The following NKAIN3 variants were observed in gnomAD, a reference collection of about 807,000 sequenced individuals.
NKAIN3 encodes sodium/potassium-transporting ATPase subunit beta-1-interacting protein 3.
NKAIN3 carries 25 observed loss-of-function variants against 30.2 expected under a neutral mutation model. The ratio of observed to expected loss-of-function variants is 0.83; its 90% confidence interval spans 0.60 to 1.16. The LOEUF is 1.16. Among genes scored for constraint, NKAIN3 ranks in the 50% most tolerant of loss-of-function variants. The pLI, the probability that NKAIN3 is intolerant of heterozygous loss-of-function variation, is 0.00. For synonymous variants in NKAIN3, 91 were observed against 89.6 expected, an observed-to-expected ratio of 1.02 and a Z score of -0.09; for missense variants, 225 against 254.1, an observed-to-expected ratio of 0.89 and a Z score of 0.78.
chr8:62,420,926 A>G (rs138036903), intron 1 of NKAIN3, among the ~76,000 whole-genome samples: 2 of 152,320 alleles, frequency 1.3e-5, no homozygotes, highest in South Asian at 2.1e-4. Context: ...TTAAACAGCT[A>G]TACTACACAG....
chr8:62,571,138 TA>T (rs1187738352), intron 1 of NKAIN3, among the ~76,000 whole-genome samples: 11 of 91,152 alleles, frequency 1.2e-4, no homozygotes, highest in Non-Finnish European at 2.0e-4. Flanking sequence ...GAAATAGGCT[TA>T]TTTTTTTTTT....
intron 3 of NKAIN3, among the ~76,000 whole-genome samples, chr8:62,604,645 C>T (rs1234293996): frequency 2.0e-5 from 3 of 152,076 alleles, no homozygotes; most frequent in African/African-American, 7.2e-5. Flanking sequence ...ATATTAGTAA[C>T]TCGTAATTTT....
Position 62,307,525 on chromosome 8 carries a change from T to C in NKAIN3, c.54+58398T>C, listed in dbSNP as rs568212459. Among the ~76,000 whole-genome samples the C allele has an allele frequency of 2.0e-5, 3 of 150,520 alleles. No homozygotes were observed. The South Asian group carries it at 6.2e-4, about 31-fold the overall frequency. On this transcript the variant is annotated intron_variant, in intron 1 of 6. Coordinates refer to ENST00000623646, the MANE Select transcript of NKAIN3 (RefSeq NM_001304533.3). Reference sequence around the variant, plus strand: ...GGAAAACAAAAACCTTCTGATTTTGTAGGAAGAAAGAGAGACACAAATCTG... The same window carrying C: ...GGAAAACAAAAACCTTCTGATTTTGCAGGAAGAAAGAGAGACACAAATCTG...
chr8:62,441,118 T>C (rs1737807801), intron 1 of NKAIN3, among the ~76,000 whole-genome samples: 1 of 152,160 alleles, frequency 6.6e-6, no homozygotes, highest in African/African-American at 2.4e-5. Flanking sequence ...GTTTTGAATA[T>C]AAATATTCTC....
chr8:62,741,426 G>A (rs981965567), intron 3 of NKAIN3, among the ~76,000 whole-genome samples: 12 of 122,646 alleles, frequency 9.8e-5, no homozygotes, highest in Admixed American at 2.3e-4. Context: ...AAGGAAGGCA[G>A]GCAAGCAAGC....
At chr8:62,775,528 A>G (rs976366023) in intron 4 of NKAIN3, among the ~76,000 whole-genome samples, 2 of 151,926 alleles carry the variant, frequency 1.3e-5, no homozygotes, top group Non-Finnish European at 2.9e-5. Context: ...TACATGTTTC[A>G]TGTAGGCACT....
rs537672651 is a variant in NKAIN3, at chr8:62,711,766, G to A, written c.274-35166G>A. On this transcript the variant is annotated intron_variant, in intron 3 of 6. Transcript: ENST00000623646. ...AAATCATGCATTTCTTCTTGGTTTG[G>A]ATCCATTGCTGGTGAACTAGTGTGA... is the stretch of plus-strand genomic sequence containing the variant. 3.3e-5 allele frequency among the ~76,000 whole-genome samples: 5 copies of A among 152,174 alleles called. No individual in the cohort carries two copies. The South Asian group carries it at 1.0e-3, about 32-fold the overall frequency.
At chr8:62,282,647 G>T (rs1414938803) in intron 1 of NKAIN3, among the ~76,000 whole-genome samples, 1 of 152,152 alleles carries the variant, frequency 6.6e-6, no homozygotes, top group Non-Finnish European at 1.5e-5. Context: ...ATAAAACAGG[G>T]AATGAAGCTC....
chr8:62,284,127 A>C (rs534032157), intron 1 of NKAIN3, among the ~76,000 whole-genome samples: 154 of 152,246 alleles, frequency 1.0e-3, no homozygotes, highest in African/African-American at 3.6e-3. Context: ...TGGGAGTCCC[A>C]GAAGGGGTAT....
intron 1 of NKAIN3, among the ~76,000 whole-genome samples, chr8:62,468,259 C>A (rs1043998522): frequency 6.6e-6 from 1 of 152,040 alleles, no homozygotes; most frequent in African/African-American, 2.4e-5. Flanking sequence ...AAATTAGGAT[C>A]ATGAAAATAG....
chr8:62,787,476 T>C (rs1817559208), intron 4 of NKAIN3, among the ~76,000 whole-genome samples: 1 of 152,152 alleles, frequency 6.6e-6, no homozygotes, highest in Non-Finnish European at 1.5e-5. Flanking sequence ...ACTTCCTGTG[T>C]AACCAGGACA....
At chr8:62,444,773 A>G (rs1262440758) in intron 1 of NKAIN3, among the ~76,000 whole-genome samples, 2 of 152,168 alleles carry the variant, frequency 1.3e-5, no homozygotes, top group African/African-American at 4.8e-5. Context: ...CAGTTTATGA[A>G]AAACCTCCAT....
At chr8:62,939,493 G>T (rs1822887754) in intron 5 of NKAIN3, among the ~76,000 whole-genome samples, 1 of 152,146 alleles carries the variant, frequency 6.6e-6, no homozygotes. Flanking sequence ...AATCTTAAGA[G>T]CTGTGAGGCA....
At chr8:62,879,430 A>T (rs898977115) in intron 4 of NKAIN3, among the ~76,000 whole-genome samples, 1 of 152,178 alleles carries the variant, frequency 6.6e-6, no homozygotes, top group African/African-American at 2.4e-5. Context: ...CCAGATGAGT[A>T]GATTGCAAAA....
intron 4 of NKAIN3, among the ~76,000 whole-genome samples, chr8:62,868,202 G>C (rs1341476134): frequency 1.3e-5 from 2 of 152,162 alleles, no homozygotes; most frequent in African/African-American, 2.4e-5. Context: ...ATGAACACTT[G>C]AGCTTTACAA....
chr8:62,805,182 C>A (rs1480540398), intron 4 of NKAIN3, among the ~76,000 whole-genome samples: 7 of 151,982 alleles, frequency 4.6e-5, no homozygotes, highest in Admixed American at 3.9e-4. Flanking sequence ...ACATTCCATG[C>A]TCATGGGTAG....
chr8:62,693,195 C>T (rs918217491), intron 3 of NKAIN3, among the ~76,000 whole-genome samples: 1 of 152,062 alleles, frequency 6.6e-6, no homozygotes, highest in Non-Finnish European at 1.5e-5. Flanking sequence ...AGATAATTTG[C>T]CTCACTTAAT....
chr8:62,393,839 T>C (rs992681697), intron 1 of NKAIN3, among the ~76,000 whole-genome samples: 1 of 152,158 alleles, frequency 6.6e-6, no homozygotes, highest in African/African-American at 2.4e-5. Flanking sequence ...GTAAGAGTTT[T>C]TCTTTTTATG....
chr8:62,798,450 T>C lies in NKAIN3; in HGVS notation c.471+51321T>C, dbSNP rs1477424006. 2.0e-5 allele frequency among the ~76,000 whole-genome samples: 3 copies of C among 152,054 alleles called. No homozygotes were observed. The East Asian group carries it at 5.8e-4, about 30-fold the overall frequency. On this transcript the variant is annotated intron_variant, in intron 4 of 6. Transcript: ENST00000623646. Reference sequence around the variant, plus strand: ...AGCTGGGCTTGGTGGTGGGCACCAGTAGTCCCAGTTACCCTGGAGGCTGAG... The same window carrying C: ...AGCTGGGCTTGGTGGTGGGCACCAGCAGTCCCAGTTACCCTGGAGGCTGAG...
Sources: allele counts gnomAD v4.1 joint callset (sites outside exome capture counted in the v4.1 genomes callset), GRCh38; gene constraint gnomAD v4.1.1; transcripts MANE v1.5; gene names NCBI Gene and HGNC (gene_info 2026-07-23, HGNC 2026-07-21).